The following GAS2 variants were observed in gnomAD, a reference collection of about 807,000 sequenced individuals.
GAS2 encodes growth arrest specific 2.
GAS2 carries 20 observed loss-of-function variants against 37.5 expected under a neutral mutation model. The ratio of observed to expected loss-of-function variants is 0.53; its 90% CI spans 0.37 to 0.77. GAS2 has a LOEUF of 0.77. GAS2 is among the 30% of genes least tolerant of loss of function. The probability of loss-of-function intolerance (pLI) is 0.00; values close to 1 mark genes in which losing one functional copy is unlikely to be tolerated. For synonymous variants in GAS2, 144 were observed against 132.2 expected (o/e 1.09, Z -0.61); for missense variants, 336 against 373.4 (o/e 0.90, Z 0.82).
chr11:22,732,343 T>G (rs1472400918), intron 4 of GAS2, among the ~76,000 whole-genome samples: 1 of 151,642 alleles, frequency 6.6e-6, no homozygotes, highest in Non-Finnish European at 1.5e-5. Flanking sequence ...TGAAATTCAT[T>G]CAATTCTGTA....
chr11:22,773,046 T>A (rs1004340158), intron 7 of GAS2, among the ~76,000 whole-genome samples: 1 of 151,958 alleles, frequency 6.6e-6, no homozygotes. Flanking sequence ...TCCAGTAGAG[T>A]GCTAAGAGGT....
At chr11:22,650,800 G>A (rs1203404849) in intron 1 of GAS2, among the ~76,000 whole-genome samples, 56 of 152,138 alleles carry the variant, frequency 3.7e-4, no homozygotes, top group Middle Eastern at 6.8e-3. Context: ...TTTATTTTGA[G>A]CCTATGTGTG....
intron 3 of GAS2, among the ~76,000 whole-genome samples, chr11:22,715,732 G>A (rs1203904425): frequency 6.6e-6 from 1 of 151,814 alleles, no homozygotes; most frequent in Non-Finnish European, 1.5e-5. Context: ...AAAAAGTTCA[G>A]GACCAGGAAG....
intron 7 of GAS2, among the ~76,000 whole-genome samples, chr11:22,774,015 CAG>C (rs1425697938): frequency 6.6e-6 from 1 of 152,084 alleles, no homozygotes; most frequent in African/African-American, 2.4e-5. Flanking sequence ...TATTTTGAAA[CAG>C]AGTTTCGCTC....
At chr11:22,683,858 A>G (rs972656438) in intron 2 of GAS2, among the ~76,000 whole-genome samples, 4 of 152,354 alleles carry the variant, frequency 2.6e-5, no homozygotes, top group South Asian at 4.1e-4. Context: ...TAAAAAAGAT[A>G]TACCTCAAGG....
intron 3 of GAS2, among the ~76,000 whole-genome samples, chr11:22,692,368 G>C (rs1850287933): frequency 6.6e-6 from 1 of 152,178 alleles, no homozygotes. Context: ...CCATGATACA[G>C]CCTCAGGCAG....
intron 4 of GAS2, among the ~76,000 whole-genome samples, chr11:22,735,224 C>CTTTTTTTT (rs397750049): frequency 1.8e-5 from 2 of 109,164 alleles, no homozygotes; most frequent in Non-Finnish European, 3.5e-5. Context: ...ACCAATCATT[C>CTTTTTTTT]TTTTTTTTTT....
Position 22,811,979 on chromosome 11 carries a change from T to G in GAS2, c.905T>G (p.Val302Gly). 6.2e-7 allele frequency: 1 copy of G among 1,614,076 alleles called. No homozygotes were observed. The highest frequency in any genetic ancestry group is 8.5e-7 in the Non-Finnish European group (1 of 1,179,976). ...ATGAATCCAGATAACTACTTGGTGG[T>G]CTCTGCCAGTTATAAGGCTAAGAAG... ...KDMNPDNYLV[V>G]SASYKAKKEI... The change falls in exon 8 of 8, where the codon GTC becomes GGC. Residue 302 changes from valine to glycine, a missense_variant. By Grantham distance (109) the Val-to-Gly change is moderately radical. Coordinates refer to ENST00000454584, the MANE Select transcript of GAS2 (RefSeq NM_001143830.3).
At chr11:22,668,963 G>A (rs1004070396) in intron 1 of GAS2, among the ~76,000 whole-genome samples, 1 of 152,136 alleles carries the variant, frequency 6.6e-6, no homozygotes, top group Admixed American at 6.6e-5. Flanking sequence ...AAATGAACTG[G>A]AGTAACAGTA....
intron 1 of GAS2, among the ~76,000 whole-genome samples, chr11:22,673,549 A>G (rs1183663915): frequency 1.3e-5 from 2 of 152,350 alleles, no homozygotes; most frequent in South Asian, 2.1e-4. Context: ...AAACATGACT[A>G]TTACATTAAC....
chr11:22,783,143 G>GCTAT (rs1855647698), intron 7 of GAS2, among the ~76,000 whole-genome samples: 1 of 152,098 alleles, frequency 6.6e-6, no homozygotes, highest in African/African-American at 2.4e-5. Context: ...CATTCTGACT[G>GCTAT]GTACAAGATA....
At chr11:22,686,656 G>A (rs562187005) in intron 3 of GAS2, among the ~76,000 whole-genome samples, 6 of 148,300 alleles carry the variant, frequency 4.0e-5, no homozygotes, top group African/African-American at 4.9e-5. Flanking sequence ...AGGCTGAGGC[G>A]GGAGAATCGC....
At position 22,692,897 on chromosome 11, in the gene GAS2, A is replaced by C. The variant is rs561733931; in HGVS notation, c.267+7108A>C. On this transcript the variant is annotated intron_variant, in intron 3 of 7. Transcript: ENST00000454584. ...TCAGTCTCCATCAGACAACAAGAAC[A>C]AGCGAGGAACATTTGTGTCGTGTCC... 2.6e-5 allele frequency among the ~76,000 whole-genome samples: 4 copies of C among 152,240 alleles called. No homozygotes were observed. The South Asian group carries it at 8.3e-4, about 32-fold the overall frequency.
chr11:22,710,627 C>T (rs1197868125), intron 3 of GAS2, among the ~76,000 whole-genome samples: 1 of 151,994 alleles, frequency 6.6e-6, no homozygotes, highest in African/African-American at 2.4e-5. Context: ...ATTTGATTAT[C>T]TATAATTAAT....
At chr11:22,693,055 C>A (rs148578186) in intron 3 of GAS2, among the ~76,000 whole-genome samples, 8 of 152,172 alleles carry the variant, frequency 5.3e-5, no homozygotes, top group African/African-American at 1.9e-4. Flanking sequence ...TTTTATGAAA[C>A]CGTCTGGTTT....
At chr11:22,758,781 C>T (rs1462616006) in intron 7 of GAS2, among the ~76,000 whole-genome samples, 9 of 151,852 alleles carry the variant, frequency 5.9e-5, no homozygotes, top group African/African-American at 1.2e-4. Context: ...GGCTTGGTGG[C>T]GCATGCCTGT....
intron 7 of GAS2, among the ~76,000 whole-genome samples, chr11:22,793,868 T>A (rs1856298422): frequency 6.6e-6 from 1 of 152,054 alleles, no homozygotes. Context: ...TTTGTAACCA[T>A]AAAGTACAAT....
chr11:22,764,922 A>G (rs1854608250), intron 7 of GAS2, among the ~76,000 whole-genome samples: 1 of 152,224 alleles, frequency 6.6e-6, no homozygotes, highest in Admixed American at 6.5e-5. Context: ...ATGGCTTTAA[A>G]TTGTGCAATA....
At chr11:22,723,068 A>G (rs570344189) in intron 3 of GAS2, among the ~76,000 whole-genome samples, 1 of 151,864 alleles carries the variant, frequency 6.6e-6, no homozygotes, top group African/African-American at 2.4e-5. Context: ...AGTGTGACTT[A>G]AAAAAATCCT....
Sources: gnomAD v4.1 joint callset for allele counts (sites outside exome capture counted in the v4.1 genomes callset) on GRCh38, gnomAD v4.1.1 for gene constraint, MANE v1.5 for transcripts, NCBI Gene and HGNC (gene_info 2026-07-23, HGNC 2026-07-21) for gene names.